Variants in NR2F1-AS1 observed in about 807,000 individuals in gnomAD.
NR2F1-AS1 encodes NR2F1 antisense RNA 1.
chr5:93,423,015 G>A (rs904790086), intron 4 of NR2F1-AS1: 2 of 152,124 alleles, frequency 1.3e-5, no homozygotes, highest in Non-Finnish European at 2.9e-5. Flanking sequence ...CATTCCTTCC[G>A]GAAAAGCTGG....
intron 1 of NR2F1-AS1, among the ~76,000 whole-genome samples, chr5:93,578,976 C>T (rs1222606059): frequency 2.0e-5 from 3 of 152,184 alleles, no homozygotes; most frequent in Non-Finnish European, 2.9e-5. Context: ...TTCCCAGGAA[C>T]TAAGCTGACC....
chr5:93,466,156 G>A (rs1177684781), intron 4 of NR2F1-AS1, among the ~76,000 whole-genome samples: 2 of 151,912 alleles, frequency 1.3e-5, no homozygotes. Context: ...GATGGTTGAG[G>A]CCTTCGCAAC....
chr5:93,481,554 C>A (rs1750600598), intron 4 of NR2F1-AS1, among the ~76,000 whole-genome samples: 1 of 151,984 alleles, frequency 6.6e-6, no homozygotes, highest in South Asian at 2.1e-4. Flanking sequence ...TATAAAGCAA[C>A]AAGGCCTAAC....
chr5:93,460,307 T>C (rs973833783), intron 4 of NR2F1-AS1, among the ~76,000 whole-genome samples: 15 of 152,176 alleles, frequency 9.9e-5, no homozygotes, highest in African/African-American at 3.6e-4. Flanking sequence ...ATTAGCCTTA[T>C]AGAGTTTCCC....
upstream of NR2F1-AS1, among the ~76,000 whole-genome samples, chr5:93,581,888 GTC>G (rs533242602): frequency 8.6e-4 from 15 of 17,496 alleles, no homozygotes; most frequent in Admixed American, 2.5e-3. Flanking sequence ...CTCTCTCTCG[GTC>G]TCTCTCTCTC....
intron 4 of NR2F1-AS1, chr5:93,542,100 T>C (rs899890024): frequency 1.3e-5 from 2 of 148,676 alleles, no homozygotes; most frequent in African/African-American, 5.0e-5. Context: ...ACCTTAGTCC[T>C]GACCCTGCCA....
At chr5:93,575,845 A>G (rs1752882827) in intron 1 of NR2F1-AS1, among the ~76,000 whole-genome samples, 2 of 152,216 alleles carry the variant, frequency 1.3e-5, no homozygotes, top group African/African-American at 2.4e-5. Context: ...ACGTGTGTGC[A>G]TACTTATGCA....
intron 4 of NR2F1-AS1, among the ~76,000 whole-genome samples, chr5:93,536,068 T>C (rs140482848): frequency 3.2e-3 from 493 of 152,144 alleles, no homozygotes; most frequent in Non-Finnish European, 4.2e-3. Context: ...ACCAAAAAAA[T>C]TGTTAGAATA....
intron 4 of NR2F1-AS1, among the ~76,000 whole-genome samples, chr5:93,412,213 C>A (rs1017923050): frequency 2.0e-5 from 3 of 152,210 alleles, no homozygotes; most frequent in Non-Finnish European, 4.4e-5. Context: ...TTACTGCAGA[C>A]CCTGGCTCCA....
chr5:93,582,855 G>T (rs1420704382), upstream of NR2F1-AS1, among the ~76,000 whole-genome samples: 3 of 151,458 alleles, frequency 2.0e-5, no homozygotes, highest in East Asian at 5.8e-4. Flanking sequence ...AGCGCAGGGC[G>T]ATCTCAATGT....
upstream of NR2F1-AS1, chr5:93,580,975 T>C (rs1480540873): frequency 1.3e-5 from 2 of 152,276 alleles, no homozygotes; most frequent in Non-Finnish European, 2.9e-5. Flanking sequence ...GGAAAACCTT[T>C]TATTCTGCTC....
chr5:93,422,197 C>T (rs766049569), intron 4 of NR2F1-AS1: 20 of 152,244 alleles, frequency 1.3e-4, no homozygotes, highest in Non-Finnish European at 2.5e-4. Context: ...TTCAGATTTC[C>T]CCACATCAAA....
chr5:93,420,401 A>G (rs1484551171), intron 4 of NR2F1-AS1, among the ~76,000 whole-genome samples: 2 of 152,158 alleles, frequency 1.3e-5, no homozygotes, highest in African/African-American at 4.8e-5. Context: ...ACAGTGAGAA[A>G]GAGGGTCTGT....
chr5:93,426,035 C>T (rs1749187666), intron 4 of NR2F1-AS1, among the ~76,000 whole-genome samples: 1 of 151,356 alleles, frequency 6.6e-6, no homozygotes, highest in Non-Finnish European at 1.5e-5. Context: ...TTAGATCCAT[C>T]TCACCTAATT....
chr5:93,484,856 G>A (rs964425330), intron 4 of NR2F1-AS1, among the ~76,000 whole-genome samples: 3 of 150,598 alleles, frequency 2.0e-5, no homozygotes, highest in African/African-American at 2.4e-5. Context: ...AAGATCAAAA[G>A]AGACAAAGAA....
intron 4 of NR2F1-AS1, among the ~76,000 whole-genome samples, chr5:93,417,757 T>A (rs189198023): frequency 6.6e-6 from 1 of 152,346 alleles, no homozygotes; most frequent in East Asian, 1.9e-4. Flanking sequence ...CAGATATGCT[T>A]CTAGGTACAC....
chr5:93,424,545 C>CATTT (rs1749156812), intron 4 of NR2F1-AS1, among the ~76,000 whole-genome samples: 1 of 151,966 alleles, frequency 6.6e-6, no homozygotes, highest in Non-Finnish European at 1.5e-5. Context: ...ATCTACCTAC[C>CATTT]ATTTACTATA....
intron 4 of NR2F1-AS1, among the ~76,000 whole-genome samples, chr5:93,522,627 C>T (rs929422014): frequency 6.6e-6 from 1 of 152,214 alleles, no homozygotes; most frequent in African/African-American, 2.4e-5. Flanking sequence ...GTGACTTCTG[C>T]ATTTTCAACT....
intron 4 of NR2F1-AS1, among the ~76,000 whole-genome samples, chr5:93,495,192 C>T (rs1241221048): frequency 1.3e-5 from 2 of 152,070 alleles, no homozygotes; most frequent in Admixed American, 1.3e-4. Flanking sequence ...AAGCTAAAAT[C>T]TCCATAGGGT....
Sources: gnomAD v4.1 joint callset for allele counts (sites outside exome capture counted in the v4.1 genomes callset) on GRCh38, gnomAD v4.1.1 for gene constraint, MANE v1.5 for transcripts, NCBI Gene and HGNC (gene_info 2026-07-23, HGNC 2026-07-21) for gene names.